NHSL1: variants seen among roughly 807,000 people sequenced by gnomAD.
The protein encoded by NHSL1 is NHS like 1.
In NHSL1, 48 loss-of-function variants were observed where a neutral mutation model predicts 95.0. That is an observed-to-expected ratio of 0.51 (90% CI 0.40 to 0.64). The LOEUF (loss-of-function observed/expected upper bound fraction) is 0.64, where lower values mean the gene tolerates loss of function less well. NHSL1 is among the 30% of genes least tolerant of loss of function. The probability of loss-of-function intolerance (pLI) is 0.00; values close to 1 mark genes in which losing one functional copy is unlikely to be tolerated. For synonymous variants in NHSL1, 783 were observed against 833.9 expected (o/e 0.94, Z 1.05); for missense variants, 1,971 against 2,077.7 (o/e 0.95, Z 1.00).
chr6:138,676,320 T>C (rs143300656), intron 1 of NHSL1, among the ~76,000 whole-genome samples: 133 of 152,242 alleles, frequency 8.7e-4, no homozygotes, highest in Non-Finnish European at 1.7e-3. Flanking sequence ...GGACACTCAC[T>C]AGGAAACCTT....
chr6:138,488,223 A>T (rs1186130691), intron 2 of NHSL1, among the ~76,000 whole-genome samples: 1 of 151,804 alleles, frequency 6.6e-6, no homozygotes, highest in Non-Finnish European at 1.5e-5. Context: ...GGTTGCAGTG[A>T]GCCGAGATCA....
intron 1 of NHSL1, among the ~76,000 whole-genome samples, chr6:138,633,472 T>C (rs941646377): frequency 2.0e-5 from 3 of 152,142 alleles, no homozygotes; most frequent in African/African-American, 7.2e-5. Context: ...GGAGCTCCAA[T>C]ACATCTGGCA....
chr6:138,564,975 G>A (rs573213244), intron 1 of NHSL1, among the ~76,000 whole-genome samples: 2 of 152,302 alleles, frequency 1.3e-5, no homozygotes, highest in Admixed American at 6.5e-5. Context: ...CAATGAGTCT[G>A]TATGCTAGTT....
chr6:138,498,446 G>A (rs2128288192), intron 1 of NHSL1, among the ~76,000 whole-genome samples: 1 of 152,276 alleles, frequency 6.6e-6, no homozygotes, highest in East Asian at 1.9e-4. Flanking sequence ...AGCCCACCGT[G>A]CTGCTCTTTG....
Position 138,657,782 on chromosome 6 carries a change from T to C in NHSL1, c.96+34694A>G, listed in dbSNP as rs377406851. Among the ~76,000 whole-genome samples, 40 of 117,368 alleles carry C rather than the reference T, an allele frequency of 3.4e-4. No homozygotes were observed. The Middle Eastern group carries it at 0.042, about 124-fold the overall frequency. The allele number at this position is 117,368 out of a possible 152,430, so 77.0% of individuals were successfully genotyped here. On this transcript the variant is annotated intron_variant, in intron 1 of 3. Coordinates refer to the NHSL1 transcript ENST00000491526. ...GTGAGCCGAGATCGCGCCACTGCAC[T>C]CCAGCCTGGGCGACAGAGCGAGACT...
chr6:138,686,265 G>C (rs1202692829), intron 1 of NHSL1, among the ~76,000 whole-genome samples: 2 of 152,118 alleles, frequency 1.3e-5, no homozygotes, highest in Non-Finnish European at 2.9e-5. Context: ...CTCACACCTG[G>C]AATCCTAGCA....
intron 1 of NHSL1, among the ~76,000 whole-genome samples, chr6:138,517,769 G>A (rs1412578649): frequency 1.3e-5 from 2 of 152,200 alleles, no homozygotes; most frequent in East Asian, 1.9e-4. Flanking sequence ...TCATCACAGA[G>A]CATGCGCAAG....
chr6:138,676,043 A>C (rs1322189175), intron 1 of NHSL1, among the ~76,000 whole-genome samples: 1 of 152,228 alleles, frequency 6.6e-6, no homozygotes. Context: ...CATATAATTA[A>C]ACTAATTGGA....
At chr6:138,552,569 T>G (rs987779635) in intron 1 of NHSL1, among the ~76,000 whole-genome samples, 1 of 152,180 alleles carries the variant, frequency 6.6e-6, no homozygotes, top group African/African-American at 2.4e-5. Context: ...AATTTGTGCC[T>G]TCACTCATGG....
intron 1 of NHSL1, among the ~76,000 whole-genome samples, chr6:138,638,400 A>G (rs540666620): frequency 2.0e-5 from 3 of 152,352 alleles, no homozygotes; most frequent in East Asian, 1.9e-4. Flanking sequence ...CTCATTTTCT[A>G]TGATGTGATT....
At chr6:138,428,068 T>C (rs1332991317) in intron 7 of NHSL1, among the ~76,000 whole-genome samples, 1 of 152,194 alleles carries the variant, frequency 6.6e-6, no homozygotes, top group African/African-American at 2.4e-5. Flanking sequence ...TGCCAAAATA[T>C]AGAAGAGGCC....
At chr6:138,607,087 C>A (rs1469971322) in intron 1 of NHSL1, among the ~76,000 whole-genome samples, 1 of 152,158 alleles carries the variant, frequency 6.6e-6, no homozygotes, top group East Asian at 1.9e-4. Flanking sequence ...ACCTATGCAT[C>A]TGTAGGTAAT....
intron 4 of NHSL1, 118 bp from the exon 5 acceptor site, chr6:138,442,232 T>A: frequency 9.4e-7 from 1 of 1,061,128 alleles, no homozygotes; most frequent in Non-Finnish European, 1.3e-6. Flanking sequence ...TGTTAGCCAG[T>A]CATATGATGA....
At chr6:138,573,006 C>A (rs1212139304), upstream of NHSL1, among the ~76,000 whole-genome samples, 3 of 152,200 alleles carry the variant, frequency 2.0e-5, no homozygotes. Flanking sequence ...TGAAACGCAG[C>A]CATCATTGTA....
upstream of NHSL1, among the ~76,000 whole-genome samples, chr6:138,574,760 G>A (rs1437387889): frequency 6.6e-6 from 1 of 152,078 alleles, no homozygotes; most frequent in Non-Finnish European, 1.5e-5. Context: ...GCTGAGGTGG[G>A]AGGATCGCTT....
intron 1 of NHSL1, among the ~76,000 whole-genome samples, chr6:138,644,954 A>G (rs1190193124): frequency 6.6e-6 from 1 of 152,220 alleles, no homozygotes. Flanking sequence ...TTGAATACAG[A>G]GTCAATAATT....
intron 1 of NHSL1, among the ~76,000 whole-genome samples, chr6:138,678,072 C>A (rs1785470770): frequency 6.6e-6 from 1 of 152,194 alleles, no homozygotes; most frequent in Non-Finnish European, 1.5e-5. Flanking sequence ...TTGCTGCTCT[C>A]ATCCTCCACT....
In NHSL1 at chr6:138,424,269, C is replaced by T. The variant is rs572191666; in HGVS notation, c.4633G>A (p.Gly1545Ser). Residue 1545 changes from glycine to serine, a missense_variant, in exon 8 of 8, where the codon GGC becomes AGC. By Grantham distance (56) the Gly-to-Ser change is moderately conservative. This residue lies in a region of NHSL1 where 223 missense variants were observed against 217.0 expected (regional missense o/e 1.03). Coordinates refer to ENST00000343505, the MANE Select transcript of NHSL1 (RefSeq NM_001144060.2). The surrounding 1 kb of genome is among the most constrained non-coding windows in gnomAD (Gnocchi z 5.9). Reference sequence around the variant, plus strand: ...TCCAGGGAACATCCCTCCGCAGCGCCCAGAGCCCCGCGGGCTATGCTGTCC... The same window carrying T: ...TCCAGGGAACATCCCTCCGCAGCGCTCAGAGCCCCGCGGGCTATGCTGTCC... ...PVDSIARGAL[G>S]AAEGCSLDGL... The T allele has an allele frequency of 2.6e-5, 39 of 1,500,968 alleles. No individual in the cohort carries two copies. The South Asian group carries it at 4.3e-4, about 17-fold the overall frequency. The allele number at this position is 1,500,968 out of a possible 1,614,324, so 93.0% of individuals were successfully genotyped here.
intron 1 of NHSL1, among the ~76,000 whole-genome samples, chr6:138,613,769 T>C (rs1784544678): frequency 6.6e-6 from 1 of 152,076 alleles, no homozygotes; most frequent in South Asian, 2.1e-4. Flanking sequence ...TGGGCAGTAA[T>C]AGGAGAGGGG....
Sources: allele counts gnomAD v4.1 joint callset (sites outside exome capture counted in the v4.1 genomes callset), GRCh38; gene constraint gnomAD v4.1.1; regional missense constraint gnomAD v4.1.1; non-coding constraint Gnocchi (gnomAD v3.1); transcripts MANE v1.5; gene names NCBI Gene and HGNC (gene_info 2026-07-23, HGNC 2026-07-21).